FHIP1A: variants seen among roughly 807,000 people sequenced by gnomAD.
FHIP1A encodes the protein FHF complex subunit HOOK interacting protein 1A.
In FHIP1A, 61 loss-of-function variants were observed where a neutral mutation model predicts 88.6. The ratio of observed to expected loss-of-function variants is 0.69; its 90% CI spans 0.56 to 0.85. FHIP1A has a LOEUF of 0.85. Ranked by LOEUF, FHIP1A falls within the 40% of genes least tolerant of loss-of-function variation. The pLI is 0.00. For missense variants in FHIP1A, 1,154 were observed against 1,273.5 expected, an observed-to-expected ratio of 0.91 and a Z score of 1.43; for synonymous variants, 478 against 496.0, an observed-to-expected ratio of 0.96 and a Z score of 0.48.
intron 3 of FHIP1A, among the ~76,000 whole-genome samples, chr4:151,525,644 T>A (rs191841292): frequency 6.6e-6 from 1 of 152,366 alleles, no homozygotes; most frequent in Non-Finnish European, 1.5e-5. Context: ...TAATGAGGAA[T>A]TACATTTATT....
intron 3 of FHIP1A, among the ~76,000 whole-genome samples, chr4:151,494,447 G>C (rs1424692478): frequency 6.6e-6 from 1 of 152,098 alleles, no homozygotes; most frequent in African/African-American, 2.4e-5. Context: ...CCCATTGCTT[G>C]TTTTTGTCAA....
At chr4:151,546,890 C>G (rs960429594) in intron 3 of FHIP1A, among the ~76,000 whole-genome samples, 6 of 152,172 alleles carry the variant, frequency 3.9e-5, no homozygotes, top group Non-Finnish European at 8.8e-5. Context: ...GGGCTGGCCT[C>G]AAGAGGTAGG....
chr4:151,455,939 G>C (rs564773563), intron 2 of FHIP1A, among the ~76,000 whole-genome samples: 1 of 152,164 alleles, frequency 6.6e-6, no homozygotes, highest in Non-Finnish European at 1.5e-5. Flanking sequence ...GAAGCACTGA[G>C]CCCTAGAGAA....
intron 2 of FHIP1A, among the ~76,000 whole-genome samples, chr4:151,480,733 A>G (rs992947506): frequency 6.6e-6 from 1 of 152,040 alleles, no homozygotes; most frequent in Non-Finnish European, 1.5e-5. Flanking sequence ...TTTTGCATGC[A>G]AAACGTTATC....
chr4:151,482,302 T>G (rs189475102), intron 2 of FHIP1A, among the ~76,000 whole-genome samples: 2 of 152,262 alleles, frequency 1.3e-5, no homozygotes, highest in East Asian at 1.9e-4. Context: ...TTCTATTTTC[T>G]GTTACCCAGC....
At chr4:151,597,789 T>A (rs1312985852) in intron 7 of FHIP1A, among the ~76,000 whole-genome samples, 1 of 152,150 alleles carries the variant, frequency 6.6e-6, no homozygotes, top group East Asian at 1.9e-4. Flanking sequence ...TGCGGAGGGC[T>A]CTGTCCAGTT....
chr4:151,594,693 C>T (rs1053986372), intron 7 of FHIP1A, among the ~76,000 whole-genome samples: 2 of 151,944 alleles, frequency 1.3e-5, no homozygotes, highest in South Asian at 2.1e-4. Context: ...TCTGTCTCAG[C>T]CTCCGGAGTA....
intron 3 of FHIP1A, among the ~76,000 whole-genome samples, chr4:151,546,954 C>A (rs535345043): frequency 6.6e-6 from 1 of 152,266 alleles, no homozygotes; most frequent in East Asian, 1.9e-4. Flanking sequence ...TTGGTCCCCA[C>A]TTCATCAGTT....
chr4:151,537,042 T>C (rs1410966642), intron 3 of FHIP1A, among the ~76,000 whole-genome samples: 3 of 152,030 alleles, frequency 2.0e-5, no homozygotes, highest in Non-Finnish European at 4.4e-5. Context: ...CCCAGCTAAT[T>C]ATTTTTATTT....
chr4:151,534,495 T>G (rs1332290537), intron 3 of FHIP1A, among the ~76,000 whole-genome samples: 1 of 152,226 alleles, frequency 6.6e-6, no homozygotes, highest in Admixed American at 6.5e-5. Context: ...ATGTCAGATA[T>G]GAATCCACAA....
chr4:151,656,183 G>T lies in FHIP1A; in HGVS notation c.2552-49G>T. On this transcript the variant is annotated intron_variant, in intron 11 of 13. Transcript: ENST00000435205. The surrounding 1 kb of genome is among the most constrained non-coding windows in gnomAD (Gnocchi z 4.2). ...ATGGTTCTGCAATTGTCAGGGAAAG[G>T]CATCCCTGTGAGCCCAGCCAGCCCT... 2 of 1,443,070 alleles carry T rather than the reference G, an allele frequency of 1.4e-6. No individual in the cohort carries two copies. The highest frequency in any genetic ancestry group is 2.8e-5 in the African/African-American group (2 of 71,192). 89.4% of individuals were successfully genotyped at this position (1,443,070 alleles called of 1,614,324 possible).
chr4:151,493,738 A>G (rs1730365091), intron 3 of FHIP1A, among the ~76,000 whole-genome samples: 1 of 152,252 alleles, frequency 6.6e-6, no homozygotes, highest in East Asian at 1.9e-4. Context: ...GATCATCTCA[A>G]TAGATGCAGA....
chr4:151,445,030 AG>A (rs1728541647), intron 1 of FHIP1A, among the ~76,000 whole-genome samples: 1 of 152,144 alleles, frequency 6.6e-6, no homozygotes, highest in Non-Finnish European at 1.5e-5. Context: ...CCCCTACCTC[AG>A]ATGCCACAAA....
In FHIP1A at chr4:151,500,438, CAA is replaced by C. The variant is rs34481805; in HGVS notation, c.-123+17809_-123+17810del. Among the ~76,000 whole-genome samples, 159 of 106,670 alleles carry C rather than the reference CAA, an allele frequency of 1.5e-3. 1 individual carries two copies. Among genetic ancestry groups the C allele is most frequent in the South Asian group, 2.4e-3 (7 of 2,900 alleles). 70.0% of individuals were successfully genotyped at this position (106,670 alleles called of 152,430 possible). On this transcript the variant is annotated intron_variant, in intron 3 of 13. Coordinates refer to ENST00000435205, the MANE Select transcript of FHIP1A (RefSeq NM_001109977.3). ...CGATTGTATGGAGGTCAGCCATTCTCAAAAAAAAAAAAAAAAAAAAGACTTTG... is the reference window on the plus strand; with the variant it reads ...CGATTGTATGGAGGTCAGCCATTCTCAAAAAAAAAAAAAAAAAAGACTTTG...
intron 3 of FHIP1A, among the ~76,000 whole-genome samples, chr4:151,520,833 G>A (rs923256237): frequency 1.3e-5 from 2 of 152,160 alleles, no homozygotes; most frequent in African/African-American, 2.4e-5. Flanking sequence ...AATTATTAGA[G>A]TAGAGAAGTA....
chr4:151,461,298 T>C (rs1729134204), intron 2 of FHIP1A, among the ~76,000 whole-genome samples: 1 of 152,160 alleles, frequency 6.6e-6, no homozygotes, highest in African/African-American at 2.4e-5. Flanking sequence ...AAATAATACA[T>C]ACATGCATCT....
intron 3 of FHIP1A, among the ~76,000 whole-genome samples, chr4:151,540,252 G>A (rs555483696): frequency 3.9e-5 from 6 of 152,252 alleles, no homozygotes; most frequent in African/African-American, 9.6e-5. Flanking sequence ...TAGAGTTTCT[G>A]TAGTTCCATC....
At chr4:151,590,804 A>G (rs1465802834) in intron 7 of FHIP1A, among the ~76,000 whole-genome samples, 1 of 152,262 alleles carries the variant, frequency 6.6e-6, no homozygotes, top group Non-Finnish European at 1.5e-5. Context: ...CCATAATTAA[A>G]ATATGAGAGT....
At chr4:151,662,446 G>C (rs921956200) in intron 13 of FHIP1A, 55 bp from the exon 14 acceptor site, 174 of 1,458,056 alleles carry the variant, frequency 1.2e-4, no homozygotes, top group Non-Finnish European at 1.6e-4. Flanking sequence ...TCACTGAAGA[G>C]GGTGGATTAG....
Sources: gnomAD v4.1 joint callset for allele counts (sites outside exome capture counted in the v4.1 genomes callset) on GRCh38, gnomAD v4.1.1 for gene constraint, Gnocchi (gnomAD v3.1) non-coding constraint, MANE v1.5 for transcripts, NCBI Gene and HGNC (gene_info 2026-07-23, HGNC 2026-07-21) for gene names.